Variants in PCDHGA8 observed in about 807,000 individuals in gnomAD.
PCDHGA8 encodes the protein protocadherin gamma-A8.
PCDHGA8 carries 45 observed loss-of-function variants against 59.2 expected under a neutral mutation model. The ratio of observed to expected loss-of-function variants is 0.76; its 90% CI spans 0.60 to 0.98. The LOEUF (loss-of-function observed/expected upper bound fraction) is 0.98. Ranked by LOEUF, PCDHGA8 falls within the 50% of genes least tolerant of loss-of-function variation. The pLI is 0.00. For missense variants in PCDHGA8, 1,257 were observed against 1,196.2 expected (o/e 1.05, Z -0.75); for synonymous variants, 531 against 519.0 (o/e 1.02, Z -0.32).
In PCDHGA8 at chr5:141,505,470, C is replaced by G; in HGVS notation, c.2561C>G (p.Ala854Gly). 6.2e-7 allele frequency: 1 copy of G among 1,614,186 alleles called. No individual in the cohort carries two copies. Among genetic ancestry groups the G allele is most frequent in the Non-Finnish European group, 8.5e-7 (1 of 1,180,002 alleles). Residue 854 changes from alanine to glycine, a missense_variant, in exon 3 of 4, where the codon GCG (alanine) becomes GGG (glycine). Ala to Gly is a moderately conservative substitution (Grantham distance 60). Transcript: ENST00000398604. ...GAGATGCTGCAAGCCATGATCTTGG[C>G]GTCCGCCAGTGGTAAGTGGTGTCAG... The part of the protein sequence containing the change: ...DTEMLQAMIL[A>G]SASEAADGSS...
intron 1 of PCDHGA8, among the ~76,000 whole-genome samples, chr5:141,452,579 A>G (rs1320327475): frequency 6.6e-6 from 1 of 151,944 alleles, no homozygotes; most frequent in Non-Finnish European, 1.5e-5. Context: ...CCCCCTTTCC[A>G]TCTTTGTATT....
In PCDHGA8 at chr5:141,493,482, G is replaced by T. The variant is rs184736387; in HGVS notation, c.2425-1325G>T. The stretch of plus-strand genomic sequence containing the variant: ...TTTTAGGACCTTACATGTGGGGAAA[G>T]TCTTCTGTGGCTCCTCATTTCTGAG... On this transcript the variant is annotated intron_variant, in intron 1 of 3. Coordinates refer to ENST00000398604, the MANE Select transcript of PCDHGA8 (RefSeq NM_032088.2). The surrounding 1 kb of genome is among the most constrained non-coding windows in gnomAD (Gnocchi z 4.3). 6.6e-6 allele frequency among the ~76,000 whole-genome samples: 1 copy of T among 152,206 alleles called. No individual in the cohort carries two copies. Among genetic ancestry groups the T allele is most frequent in the Admixed American group, 6.5e-5 (1 of 15,282 alleles).
intron 1 of PCDHGA8, chr5:141,404,764 C>G: frequency 6.2e-7 from 1 of 1,613,920 alleles, no homozygotes; most frequent in Non-Finnish European, 8.5e-7. Context: ...ATGCTTGGCT[C>G]TCCTACCGCC....
intron 1 of PCDHGA8, among the ~76,000 whole-genome samples, chr5:141,456,073 A>G (rs1490650582): frequency 2.6e-5 from 4 of 151,252 alleles, no homozygotes; most frequent in Non-Finnish European, 5.9e-5. Flanking sequence ...AATTTTTTGT[A>G]TTTTCAGTAG....
At chr5:141,423,790 T>C (rs1561813105) in intron 1 of PCDHGA8, 2 of 1,261,874 alleles carry the variant, frequency 1.6e-6, no homozygotes, top group Non-Finnish European at 1.0e-6. Context: ...TTCATATATA[T>C]TTAGAGCAAT....
At chr5:141,510,653 T>G (rs1388568365) in intron 3 of PCDHGA8, among the ~76,000 whole-genome samples, 1 of 152,184 alleles carries the variant, frequency 6.6e-6, no homozygotes, top group Non-Finnish European at 1.5e-5. Context: ...ATCCCCATTT[T>G]GCAGATGAGA....
At chr5:141,505,780 G>A (rs1595982811) in intron 3 of PCDHGA8, among the ~76,000 whole-genome samples, 1 of 139,456 alleles carries the variant, frequency 7.2e-6, no homozygotes, top group Non-Finnish European at 1.6e-5. Flanking sequence ...TCCTAGCTCT[G>A]CTACTATCCT....
chr5:141,427,616 C>T (rs922511046), intron 1 of PCDHGA8: 1 of 693,880 alleles, frequency 1.4e-6, no homozygotes, highest in Non-Finnish European at 2.6e-6. Context: ...GTGAAGTCAA[C>T]GACAATGCTC....
Position 141,395,111 on chromosome 5 carries a change from T to A in PCDHGA8, c.2298T>A (p.Ser766Arg). The A allele has an allele frequency of 6.2e-7, 1 of 1,613,670 alleles. No homozygotes were observed. The highest frequency in any genetic ancestry group is 8.5e-7 in the Non-Finnish European group (1 of 1,179,948). Residue 766 changes from serine to arginine, a missense_variant, in exon 1 of 4, where the codon AGT becomes AGA. Ser to Arg is a moderately radical substitution (Grantham distance 110). Transcript: ENST00000398604. ...EVSLTADSRKSHLIFPQPNYA... is the reference protein window; with the variant it reads ...EVSLTADSRKRHLIFPQPNYA... ...CCCTCACCGCCGACTCGCGGAAGAG[T>A]CACCTGATCTTTCCCCAGCCCAACT... is the stretch of plus-strand genomic sequence containing the variant.
At chr5:141,455,558 G>A (rs1261373189) in intron 1 of PCDHGA8, among the ~76,000 whole-genome samples, 1 of 152,142 alleles carries the variant, frequency 6.6e-6, no homozygotes, top group East Asian at 1.9e-4. Flanking sequence ...CCGAGAAAAA[G>A]CTGGCCCTCC....
chr5:141,496,959 G>C (rs1451127360), intron 2 of PCDHGA8, among the ~76,000 whole-genome samples: 2 of 151,894 alleles, frequency 1.3e-5, no homozygotes, highest in Non-Finnish European at 2.9e-5. Flanking sequence ...GCCAAGGTGG[G>C]TAGATCACTT....
intron 1 of PCDHGA8, 123 bp downstream of exon 1, chr5:141,395,360 GT>G: frequency 1.5e-6 from 2 of 1,290,436 alleles, no homozygotes; most frequent in Non-Finnish European, 2.1e-6. Context: ...AGAGTTTTGG[GT>G]TTATTTTGGT....
rs965707754 is a variant in PCDHGA8 at position 141,505,329 on chromosome 5, G to A, written c.2484-64G>A. On this transcript the variant is annotated intron_variant, in intron 2 of 3. Coordinates refer to ENST00000398604, the MANE Select transcript of PCDHGA8 (RefSeq NM_032088.2). ...ACTAGGTTTGGGAGCCCTGGGAGAG[G>A]ACAGGAGGGGCATGAGCTGTGCCGG... is the stretch of plus-strand genomic sequence containing the variant. The A allele has an allele frequency of 2.5e-6, 4 of 1,610,060 alleles. No individual in the cohort carries two copies. The African/African-American group carries it at 5.3e-5, about 22-fold the overall frequency.
At position 141,485,841 on chromosome 5, in the gene PCDHGA8, C is replaced by G. The variant is rs969476505; in HGVS notation, c.2425-8966C>G. On this transcript the variant is annotated intron_variant, in intron 1 of 3. Transcript: ENST00000398604. This position sits in a 1 kb window ranked among gnomAD's most constrained non-coding sequence, Gnocchi z 5.7. Reference sequence around the variant, plus strand: ...GTCGATGGAGGGAACCCGCCGAGATCTGGCACCGCAGAGCTCCGGGTATCC... The same window carrying G: ...GTCGATGGAGGGAACCCGCCGAGATGTGGCACCGCAGAGCTCCGGGTATCC... 29 of 1,614,104 alleles carry G rather than the reference C, an allele frequency of 1.8e-5. No individual in the cohort carries two copies. The highest frequency in any genetic ancestry group is 2.2e-5 in the South Asian group (2 of 91,080).
At position 141,432,898 on chromosome 5, in the gene PCDHGA8, G is replaced by C. The variant is rs746913952; in HGVS notation, c.2424+37661G>C. ...TGGCCTTCGTCATCTTGCTGCTGGC[G>C]CTCAGGCTGCGGCGCTGGCACAAGT... On this transcript the variant is annotated intron_variant, in intron 1 of 3. Coordinates refer to ENST00000398604, the MANE Select transcript of PCDHGA8 (RefSeq NM_032088.2). The surrounding 1 kb of genome is among the most constrained non-coding windows in gnomAD (Gnocchi z 6.0). 28 of 1,614,056 alleles carry C rather than the reference G, an allele frequency of 1.7e-5. No individual in the cohort carries two copies. In the African/African-American group the frequency reaches 2.4e-4, roughly 14 times the overall value.
At chr5:141,448,074 G>A (rs1008235342) in intron 1 of PCDHGA8, among the ~76,000 whole-genome samples, 3 of 151,152 alleles carry the variant, frequency 2.0e-5, no homozygotes, top group Admixed American at 1.3e-4. Context: ...CAACATGAAC[G>A]AAATGCCATC....
intron 1 of PCDHGA8, among the ~76,000 whole-genome samples, chr5:141,458,513 G>T (rs968604511): frequency 6.8e-6 from 1 of 146,128 alleles, no homozygotes; most frequent in Non-Finnish European, 1.5e-5. Flanking sequence ...TTGACACTTT[G>T]TTTTTTTTTT....
At chr5:141,410,196 C>T (rs773310778) in intron 1 of PCDHGA8, 3 of 1,613,984 alleles carry the variant, frequency 1.9e-6, no homozygotes, top group East Asian at 4.5e-5. Context: ...CTGGTCTTCG[C>T]AGACAACTTG....
chr5:141,447,328 C>T (rs546209008), intron 1 of PCDHGA8, among the ~76,000 whole-genome samples: 39 of 151,886 alleles, frequency 2.6e-4, no homozygotes, highest in Admixed American at 7.2e-4. Flanking sequence ...TTAGTAGAGA[C>T]GGGTTTCATC....
Sources: gnomAD v4.1 joint callset for allele counts (sites outside exome capture counted in the v4.1 genomes callset) on GRCh38, gnomAD v4.1.1 for gene constraint, Gnocchi (gnomAD v3.1) non-coding constraint, MANE v1.5 for transcripts, NCBI Gene and HGNC (gene_info 2026-07-23, HGNC 2026-07-21) for gene names.